The following WIF1 variants were observed in gnomAD, a reference collection of about 807,000 sequenced individuals.
The protein encoded by WIF1 is Wnt inhibitory factor 1.
WIF1 carries 35 observed loss-of-function variants against 53.5 expected under a neutral mutation model. The ratio of observed to expected loss-of-function variants is 0.65; its 90% CI spans 0.50 to 0.87. WIF1 has a LOEUF of 0.87. Ranked by LOEUF, WIF1 falls within the 40% of genes least tolerant of loss-of-function variation. The probability of loss-of-function intolerance (pLI) is 0.00; values close to 1 mark genes in which losing one functional copy is unlikely to be tolerated. For missense variants in WIF1, 467 were observed against 476.8 expected (o/e 0.98, Z 0.19); for synonymous variants, 171 against 170.4 (o/e 1.00, Z -0.03).
At position 65,068,764 on chromosome 12, in the gene WIF1, C is replaced by T. The variant is rs1449670013; in HGVS notation, c.538G>A (p.Ala180Thr). The change falls in exon 4 of 10, where the codon GCT becomes ACT. Residue 180 changes from alanine to threonine, a missense_variant and splice_region_variant. Physicochemically the swap from Ala to Thr is moderately conservative, Grantham distance 58 (BLOSUM62 0). Coordinates refer to ENST00000286574, the MANE Select transcript of WIF1 (RefSeq NM_007191.5). The part of the protein sequence containing the change: ...NAIFFKTCQQ[A>T]ECPGGCRNGG... ...CTCTTGAATCACCATCGGTGCTTAC[C>T]TTGTTGACATGTTTTAAAGAAGATA... The T allele has an allele frequency of 6.8e-6, 11 of 1,612,598 alleles. No individual in the cohort carries two copies. The highest frequency in any genetic ancestry group is 9.3e-6 in the Non-Finnish European group (11 of 1,179,366).
At chr12:65,087,899 T>A (rs1236119736) in intron 2 of WIF1, among the ~76,000 whole-genome samples, 1 of 152,178 alleles carries the variant, frequency 6.6e-6, no homozygotes, top group East Asian at 1.9e-4. Flanking sequence ...AAGAAGATTT[T>A]AAGAACAGTC....
chr12:65,100,663 T>C (rs1033498572), intron 2 of WIF1, among the ~76,000 whole-genome samples: 4 of 152,108 alleles, frequency 2.6e-5, no homozygotes, highest in Non-Finnish European at 5.9e-5. Flanking sequence ...ATCAAGTTGT[T>C]CTTCACAGTG....
At chr12:65,091,581 A>G (rs868435516) in intron 2 of WIF1, among the ~76,000 whole-genome samples, 14 of 152,212 alleles carry the variant, frequency 9.2e-5, no homozygotes, top group African/African-American at 3.4e-4. Flanking sequence ...TTGAATAAAA[A>G]GAAATCACAG....
chr12:65,065,271 C>T (rs1335805055), intron 6 of WIF1, among the ~76,000 whole-genome samples: 1 of 151,968 alleles, frequency 6.6e-6, no homozygotes, highest in Non-Finnish European at 1.5e-5. Context: ...AAGCATGGTC[C>T]ACAGAGAGAT....
chr12:65,068,990 G>A, intron 3 of WIF1, 86 bp from the exon 4 acceptor site: 1 of 1,439,106 alleles, frequency 6.9e-7, no homozygotes, highest in Admixed American at 2.1e-5. Flanking sequence ...AAGAGTCAAA[G>A]GACAAAGCAA....
chr12:65,063,682 T>G (rs1375727367), intron 6 of WIF1, among the ~76,000 whole-genome samples: 2 of 150,994 alleles, frequency 1.3e-5, no homozygotes, highest in Non-Finnish European at 2.9e-5. Context: ...TGTACTCACT[T>G]TGGCAAATCA....
chr12:65,095,311 G>A (rs7399183), intron 2 of WIF1, among the ~76,000 whole-genome samples: 147,860 of 152,162 alleles, frequency 0.97, 71,892 homozygotes, highest in East Asian at 1. Flanking sequence ...TTGTGTCTCT[G>A]GATTCTCTAG....
intron 2 of WIF1, among the ~76,000 whole-genome samples, chr12:65,080,100 G>A (rs1311295946): frequency 1.3e-5 from 2 of 152,128 alleles, no homozygotes; most frequent in Admixed American, 6.5e-5. Context: ...TAATGCCAAG[G>A]GGTAGTCTCA....
intron 2 of WIF1, among the ~76,000 whole-genome samples, chr12:65,092,539 G>T (rs1483376222): frequency 6.7e-6 from 1 of 150,372 alleles, no homozygotes; most frequent in Non-Finnish European, 1.5e-5. Flanking sequence ...GTATGCGATT[G>T]CTGTTTCTGA....
chr12:65,116,684 C>A (rs2136296428), intron 2 of WIF1, among the ~76,000 whole-genome samples: 1 of 151,910 alleles, frequency 6.6e-6, no homozygotes, highest in Admixed American at 6.6e-5. Context: ...CCTGTAATCC[C>A]AGCACTTTGG....
In WIF1 at chr12:65,071,379, AC is replaced by A. The variant is rs529343102; in HGVS notation, c.398-2476del. ...ATACGGCTTTCCACCATTGCAGGGA[AC>A]AAAAGCGAGGTTGCAAAATCTAATG... On this transcript the variant is annotated intron_variant, in intron 3 of 9. Transcript: ENST00000286574. 1.5e-3 allele frequency among the ~76,000 whole-genome samples: 227 copies of A among 152,248 alleles called. 1 individual carries two copies. Among genetic ancestry groups the A allele is most frequent in the Non-Finnish European group, 2.4e-3 (162 of 68,016 alleles).
intron 2 of WIF1, among the ~76,000 whole-genome samples, chr12:65,115,259 T>C (rs1243595644): frequency 6.6e-6 from 1 of 151,892 alleles, no homozygotes; most frequent in Admixed American, 6.6e-5. Flanking sequence ...AGCATATTTA[T>C]GCAGGTGATA....
chr12:65,087,829 A>G (rs182093762), intron 2 of WIF1, among the ~76,000 whole-genome samples: 24 of 151,584 alleles, frequency 1.6e-4, no homozygotes, highest in African/African-American at 5.8e-4. Context: ...GTCAAACAGG[A>G]AAAAAAAAGT....
chr12:65,101,918 C>T (rs1310541449), intron 2 of WIF1, among the ~76,000 whole-genome samples: 1 of 152,112 alleles, frequency 6.6e-6, no homozygotes, highest in Non-Finnish European at 1.5e-5. Flanking sequence ...ATCAGGAGGA[C>T]CAGCTTTCTT....
At chr12:65,084,744 C>T (rs1029779694) in intron 2 of WIF1, among the ~76,000 whole-genome samples, 5 of 152,170 alleles carry the variant, frequency 3.3e-5, no homozygotes, top group Admixed American at 2.0e-4. Context: ...AGTGTAAACC[C>T]GGTGCGTTCC....
At chr12:65,093,650 C>G (rs1883158421) in intron 2 of WIF1, among the ~76,000 whole-genome samples, 1 of 152,030 alleles carries the variant, frequency 6.6e-6, no homozygotes, top group Non-Finnish European at 1.5e-5. Flanking sequence ...GTTAGTCAAG[C>G]TGATTCATTA....
chr12:65,118,581 T>C (rs912836069), intron 2 of WIF1, among the ~76,000 whole-genome samples: 2 of 152,178 alleles, frequency 1.3e-5, no homozygotes, highest in Non-Finnish European at 2.9e-5. Flanking sequence ...TCCTGCATCA[T>C]TAGATCATCC....
At chr12:65,097,155 C>G (rs775509530) in intron 2 of WIF1, among the ~76,000 whole-genome samples, 1 of 150,268 alleles carries the variant, frequency 6.7e-6, no homozygotes, top group Non-Finnish European at 1.5e-5. Flanking sequence ...CTCTTTTATT[C>G]ACCTTAAAAA....
intron 1 of WIF1, 105 bp downstream of exon 1, chr12:65,120,939 T>G: frequency 7.6e-7 from 1 of 1,312,872 alleles, no homozygotes; most frequent in Non-Finnish European, 9.9e-7. Context: ...CACTCTTTTG[T>G]GGAAATTAAG....
Sources: allele counts gnomAD v4.1 joint callset (sites outside exome capture counted in the v4.1 genomes callset), GRCh38; gene constraint gnomAD v4.1.1; transcripts MANE v1.5; gene names NCBI Gene and HGNC (gene_info 2026-07-23, HGNC 2026-07-21).